LMF1: variants seen among roughly 807,000 people sequenced by gnomAD.
The protein encoded by LMF1 is lipase maturation factor 1.
Under a neutral mutation model 60.6 loss-of-function variants are expected in LMF1, and 68 were observed. The ratio of observed to expected loss-of-function variants is 1.12; its 90% CI spans 0.92 to 1.37. The LOEUF (loss-of-function observed/expected upper bound fraction) is 1.37, where lower values mean the gene tolerates loss of function less well. Ranked by LOEUF, LMF1 falls within the 40% of genes most tolerant of loss-of-function variation. LMF1 has a pLI of 0.00. For missense variants in LMF1, 948 were observed against 767.2 expected (o/e 1.24, Z -2.78); for synonymous variants, 418 against 324.7 (o/e 1.29, Z -3.09).
At chr16:906,520 G>A (rs562755885) in intron 4 of LMF1, among the ~76,000 whole-genome samples, 2 of 152,146 alleles carry the variant, frequency 1.3e-5, no homozygotes, top group Non-Finnish European at 2.9e-5. Flanking sequence ...GGGACTCCAG[G>A]TTCTTCCGTT....
chr16:964,254 C>A, intron 1 of LMF1: 1 of 331,080 alleles, frequency 3.0e-6, no homozygotes. Context: ...GGAGATTGCA[C>A]CACTGCACTG....
chr16:919,103 C>T (rs1351966481), intron 3 of LMF1, among the ~76,000 whole-genome samples: 1 of 152,100 alleles, frequency 6.6e-6, no homozygotes, highest in East Asian at 1.9e-4. Flanking sequence ...GCTGCAGAAT[C>T]AGGTGTTCCC....
chr16:873,559 G>A (rs1198903615), intron 6 of LMF1: 1 of 151,284 alleles, frequency 6.6e-6, no homozygotes, highest in Admixed American at 6.6e-5. Context: ...GGTGGCTTGT[G>A]GGGACCCTCT....
intron 3 of LMF1, among the ~76,000 whole-genome samples, chr16:919,818 G>A (rs1459022724): frequency 6.6e-6 from 1 of 152,110 alleles, no homozygotes; most frequent in Non-Finnish European, 1.5e-5. Context: ...CAGACAGAAC[G>A]TGGGGGTGAG....
intron 2 of LMF1, among the ~76,000 whole-genome samples, chr16:946,649 G>A (rs575929211): frequency 5.3e-4 from 81 of 152,222 alleles, no homozygotes; most frequent in Non-Finnish European, 1.0e-3. Flanking sequence ...CCGTCTACAG[G>A]TATGCTGTTC....
chr16:937,490 G>A (rs539934905), intron 2 of LMF1, among the ~76,000 whole-genome samples: 1 of 152,172 alleles, frequency 6.6e-6, no homozygotes, highest in Admixed American at 6.5e-5. Flanking sequence ...GGTCTCTGTT[G>A]ACTGACAGGC....
At position 854,165 on chromosome 16, in the gene LMF1, C is replaced by G. The variant is rs1173382664; in HGVS notation, c.*367G>C. On this transcript the variant is annotated 3_prime_UTR_variant, in exon 11 of 11. Transcript: ENST00000262301. ...GGACGCTAGAGACCCCAAGAGCTACCTGGCTGGGTCTATGGTCAGGGCTGT... is the reference window on the plus strand; with the variant it reads ...GGACGCTAGAGACCCCAAGAGCTACGTGGCTGGGTCTATGGTCAGGGCTGT... 20 of 492,296 alleles carry G rather than the reference C, an allele frequency of 4.1e-5. No individual in the cohort carries two copies. The highest frequency in any genetic ancestry group is 7.5e-5 in the Non-Finnish European group (19 of 252,650). 30.5% of individuals were successfully genotyped at this position (492,296 alleles called of 1,614,324 possible).
intron 2 of LMF1, among the ~76,000 whole-genome samples, chr16:935,333 G>A (rs186958157): frequency 3.3e-5 from 5 of 152,170 alleles, no homozygotes; most frequent in Admixed American, 2.0e-4. Context: ...AGACTCAGGC[G>A]ATCCTCCTGC....
intron 3 of LMF1, 145 bp downstream of exon 3, chr16:934,099 C>T (rs1284410713): frequency 2.3e-5 from 36 of 1,537,900 alleles, no homozygotes; most frequent in Admixed American, 5.8e-5. Context: ...AGATCACAAG[C>T]GCCCATCACT....
At chr16:911,698 C>T (rs1356272455) in intron 3 of LMF1, among the ~76,000 whole-genome samples, 2 of 131,816 alleles carry the variant, frequency 1.5e-5, no homozygotes, top group South Asian at 4.9e-4. Flanking sequence ...ACTGGGGGAG[C>T]AGCACTGGGG....
intron 3 of LMF1, among the ~76,000 whole-genome samples, chr16:926,131 T>C (rs2071590764): frequency 6.6e-6 from 1 of 152,134 alleles, no homozygotes; most frequent in Admixed American, 6.5e-5. Flanking sequence ...TATGTCTGTG[T>C]GTGCATGCGT....
At chr16:916,865 G>A (rs187094381) in intron 3 of LMF1, among the ~76,000 whole-genome samples, 20 of 152,328 alleles carry the variant, frequency 1.3e-4, no homozygotes, top group Admixed American at 6.5e-5. Flanking sequence ...GCCACCTCCC[G>A]GGTGTCCCCT....
chr16:859,952 G>A lies in LMF1; in HGVS notation c.1530-5246C>T, dbSNP rs892632670. Among the ~76,000 whole-genome samples, 9 of 126,032 alleles carry A rather than the reference G, an allele frequency of 7.1e-5. 1 individual carries two copies. The highest frequency in any genetic ancestry group is 4.6e-4 in the African/African-American group (9 of 19,408). The allele number at this position is 126,032 out of a possible 152,430, so 82.7% of individuals were successfully genotyped here. ...GTGTGAGTGGTGTCACGGGATGGGTGTGCAGTGATGGTACCGGATGGGTGT... is the reference window on the plus strand; with the variant it reads ...GTGTGAGTGGTGTCACGGGATGGGTATGCAGTGATGGTACCGGATGGGTGT... On this transcript the variant is annotated intron_variant, in intron 10 of 10. Coordinates refer to ENST00000262301, the MANE Select transcript of LMF1 (RefSeq NM_022773.4).
At position 853,709 on chromosome 16, in the gene LMF1, T is replaced by TAA. The variant is rs1459623892; in HGVS notation, c.*821_*822dup. The TAA allele has an allele frequency of 2.2e-6, 1 of 454,028 alleles. No individual in the cohort carries two copies. Among genetic ancestry groups the TAA allele is most frequent in the South Asian group, 1.6e-5 (1 of 64,472 alleles). 28.1% of individuals were successfully genotyped at this position (454,028 alleles called of 1,614,324 possible). A position where few individuals can be genotyped will look rare whatever the true frequency, so the allele number is the denominator to read the frequency against. On this transcript the variant is annotated 3_prime_UTR_variant, in exon 11 of 11. Transcript: ENST00000262301. ...CATAGCTATGGCTCAAGAATAGGAA[T>TAA]AAGAAAAATGTGCAGTAGACGCTGT...
intron 2 of LMF1, among the ~76,000 whole-genome samples, chr16:954,064 C>CA (rs2072599901): frequency 6.6e-6 from 1 of 151,874 alleles, no homozygotes; most frequent in Non-Finnish European, 1.5e-5. Flanking sequence ...CAGACACAGA[C>CA]CCACTGCTTC....
intron 1 of LMF1, among the ~76,000 whole-genome samples, chr16:977,983 C>CAT (rs1555484172): frequency 3.5e-5 from 3 of 86,638 alleles, no homozygotes; most frequent in African/African-American, 1.6e-4. Flanking sequence ...CCCCACCACA[C>CAT]ACATACACGC....
chr16:946,731 A>G (rs1237765354), intron 2 of LMF1, among the ~76,000 whole-genome samples: 1 of 152,224 alleles, frequency 6.6e-6, no homozygotes, highest in African/African-American at 2.4e-5. Flanking sequence ...AGTCACCTAC[A>G]TGGCCCATGC....
At chr16:927,476 G>A (rs899176283) in intron 3 of LMF1, among the ~76,000 whole-genome samples, 1 of 152,250 alleles carries the variant, frequency 6.6e-6, no homozygotes, top group Non-Finnish European at 1.5e-5. Context: ...GAGCTGGCTC[G>A]GCCTACCGGT....
At position 934,549 on chromosome 16, in the gene LMF1, T is replaced by C. The variant is rs2071886466; in HGVS notation, c.504-295A>G. 6 of 424,092 alleles carry C rather than the reference T, an allele frequency of 1.4e-5. No individual in the cohort carries two copies. The South Asian group carries it at 1.5e-4, about 11-fold the overall frequency. The allele number at this position is 424,092 out of a possible 1,614,324, so 26.3% of individuals were successfully genotyped here. ...AATGAGTGAATTAATACTTATTTTT[T>C]TGCAGCATCAATTAAATGCCACGGC... On this transcript the variant is annotated intron_variant, in intron 2 of 10. Coordinates refer to ENST00000262301, the MANE Select transcript of LMF1 (RefSeq NM_022773.4).
Sources: allele counts gnomAD v4.1 joint callset (sites outside exome capture counted in the v4.1 genomes callset), GRCh38; gene constraint gnomAD v4.1.1; transcripts MANE v1.5; gene names NCBI Gene and HGNC (gene_info 2026-07-23, HGNC 2026-07-21).